CAPN9: variants seen among roughly 807,000 people sequenced by gnomAD.
The protein encoded by CAPN9 is calpain 9.
Under a neutral mutation model 92.8 loss-of-function variants are expected in CAPN9, and 81 were observed. That is an observed-to-expected ratio of 0.87 (90% CI 0.73 to 1.05). The LOEUF is 1.05. Ranked by LOEUF, CAPN9 falls within the 50% of genes least tolerant of loss-of-function variation. The pLI is 0.00. For missense variants in CAPN9, 848 were observed against 866.2 expected, an observed-to-expected ratio of 0.98 and a Z score of 0.26; for synonymous variants, 304 against 328.0, an observed-to-expected ratio of 0.93 and a Z score of 0.79.
chr1:230,799,029 C>G (rs1668522928), intron 19 of CAPN9, among the ~76,000 whole-genome samples: 1 of 152,152 alleles, frequency 6.6e-6, no homozygotes, highest in Non-Finnish European at 1.5e-5. Flanking sequence ...CCTTCTTTCC[C>G]TCCCTGTATC....
chr1:230,778,438 C>G (rs922609843), intron 8 of CAPN9, among the ~76,000 whole-genome samples: 1 of 152,218 alleles, frequency 6.6e-6, no homozygotes, highest in Non-Finnish European at 1.5e-5. Context: ...TCTAAAAGCT[C>G]TCCATCTTCT....
chr1:230,801,711 T>C lies in CAPN9; in HGVS notation c.*115T>C. On this transcript the variant is annotated 3_prime_UTR_variant, in exon 20 of 20. Coordinates refer to ENST00000271971, the MANE Select transcript of CAPN9 (RefSeq NM_006615.3). ...CCCAGGGTTCACTCCCCTCTCATCGTCCGGCCTTCTCCCTTCATCTTGATC... is the reference window on the plus strand; with the variant it reads ...CCCAGGGTTCACTCCCCTCTCATCGCCCGGCCTTCTCCCTTCATCTTGATC... 1.1e-6 allele frequency: 1 copy of C among 900,026 alleles called. No individual in the cohort carries two copies. The highest frequency in any genetic ancestry group is 1.9e-6 in the Non-Finnish European group (1 of 531,762). The allele number at this position is 900,026 out of a possible 1,614,324, so 55.8% of individuals were successfully genotyped here. A position where few individuals can be genotyped will look rare whatever the true frequency, so the allele number is the denominator to read the frequency against.
chr1:230,766,087 T>TC (rs1319630276), intron 4 of CAPN9, among the ~76,000 whole-genome samples: 2 of 151,702 alleles, frequency 1.3e-5, no homozygotes, highest in Non-Finnish European at 2.9e-5. Flanking sequence ...CCCCACTCTT[T>TC]TTTTTATTAT....
In CAPN9 at chr1:230,801,316, G is replaced by A. The variant is rs1353822559; in HGVS notation, c.2047-254G>A. 4.6e-5 allele frequency among the ~76,000 whole-genome samples: 7 copies of A among 152,236 alleles called. No individual in the cohort carries two copies. The Middle Eastern group carries it at 0.01, about 222-fold the overall frequency. On this transcript the variant is annotated intron_variant, in intron 19 of 19. Transcript: ENST00000271971. Reference sequence around the variant, plus strand: ...TAACAGGGAGAAAGCACATTTTCCCGTCTCTGTCTTACCAACTGTGCTTGA... The same window carrying A: ...TAACAGGGAGAAAGCACATTTTCCCATCTCTGTCTTACCAACTGTGCTTGA...
intron 12 of CAPN9, among the ~76,000 whole-genome samples, chr1:230,787,020 G>C (rs1004761940): frequency 3.3e-5 from 5 of 152,118 alleles, no homozygotes; most frequent in Admixed American, 2.0e-4. Context: ...TTCCATGCTG[G>C]GGCACAGCTT....
At chr1:230,765,551 C>A (rs913182805) in intron 4 of CAPN9, among the ~76,000 whole-genome samples, 2 of 151,972 alleles carry the variant, frequency 1.3e-5, no homozygotes, top group African/African-American at 2.4e-5. Flanking sequence ...CCCAACTACT[C>A]GGGAGGCTAA....
chr1:230,783,860 G>C (rs573327885), intron 11 of CAPN9, among the ~76,000 whole-genome samples: 14 of 152,340 alleles, frequency 9.2e-5, no homozygotes, highest in African/African-American at 3.4e-4. Context: ...TAACTTCTTA[G>C]AGGCTGGTTA....
intron 8 of CAPN9, among the ~76,000 whole-genome samples, chr1:230,777,792 C>T (rs1444062924): frequency 6.6e-6 from 1 of 152,030 alleles, no homozygotes; most frequent in Non-Finnish European, 1.5e-5. Flanking sequence ...GACCACACGC[C>T]CTGGTGGTCC....
chr1:230,765,212 G>GACACACACACACACACAC (rs56286310), intron 4 of CAPN9, among the ~76,000 whole-genome samples: 73 of 132,146 alleles, frequency 5.5e-4, no homozygotes, highest in Admixed American at 9.8e-4. Context: ...ACACATGCAA[G>GACACACACACACACACAC]ACACACACAC....
rs547694110 is a variant in CAPN9 at position 230,772,038 on chromosome 1, G to A, written c.814G>A (p.Glu272Lys). The A allele has an allele frequency of 1.1e-5, 17 of 1,614,032 alleles. No homozygotes were observed. The Middle Eastern group carries it at 4.9e-4, about 47-fold the overall frequency. The change falls in exon 7 of 20, where the codon GAG (glutamate) becomes AAG (lysine). Residue 272 changes from glutamate to lysine, a missense_variant. Transcript: ENST00000271971. ...GGTAAGCTTCCGAGGCCAGAGAATC[G>A]AGCTCATCCGAATCCGGAACCCTTG... is the stretch of plus-strand genomic sequence containing the variant. ...DQVSFRGQRIELIRIRNPWGQ... is the reference protein window; with the variant it reads ...DQVSFRGQRIKLIRIRNPWGQ...
chr1:230,796,808 C>G (rs915479172), intron 18 of CAPN9, among the ~76,000 whole-genome samples: 1 of 152,134 alleles, frequency 6.6e-6, no homozygotes, highest in African/African-American at 2.4e-5. Flanking sequence ...GTAATCCTTC[C>G]CAGAACGGGG....
intron 2 of CAPN9, among the ~76,000 whole-genome samples, chr1:230,756,064 A>G (rs1188648197): frequency 6.6e-6 from 1 of 152,208 alleles, no homozygotes; most frequent in Non-Finnish European, 1.5e-5. Flanking sequence ...TGAAAGACAG[A>G]GAAAGTGAGA....
chr1:230,788,622 C>T (rs1667768455), intron 13 of CAPN9, among the ~76,000 whole-genome samples: 1 of 152,144 alleles, frequency 6.6e-6, no homozygotes. Context: ...CTGCAATAAA[C>T]AGGCAAGGCA....
chr1:230,770,349 G>A (rs1382487374), intron 6 of CAPN9, among the ~76,000 whole-genome samples: 1 of 152,122 alleles, frequency 6.6e-6, no homozygotes, highest in Non-Finnish European at 1.5e-5. Flanking sequence ...TTTTTGTTCT[G>A]GTCAGGTCTT....
chr1:230,784,827 G>A (rs1442151471), intron 11 of CAPN9, among the ~76,000 whole-genome samples: 2 of 152,256 alleles, frequency 1.3e-5, no homozygotes, highest in Non-Finnish European at 2.9e-5. Context: ...GTGGAACTGT[G>A]GGAAGGCGGC....
chr1:230,762,717 G>T lies in CAPN9; in HGVS notation c.467G>T (p.Arg156Leu), dbSNP rs770863143. The T allele has an allele frequency of 1.3e-5, 21 of 1,614,132 alleles. No individual in the cohort carries two copies. The highest frequency in any genetic ancestry group is 3.3e-5 in the South Asian group (3 of 91,082). ...GACCGCCTGCCCACCTTCAGGGACC[G>T]CTTGGTTTTCCTCCACTCTGCCGAC... ...IDDRLPTFRDRLVFLHSADHN... is the reference protein window; with the variant it reads ...IDDRLPTFRDLLVFLHSADHN... The change falls in exon 4 of 20, where the codon CGC becomes CTC. Residue 156 changes from arginine (R) to leucine (L), a missense_variant. Transcript: ENST00000271971.
At chr1:230,771,107 G>C (rs1167917951) in intron 6 of CAPN9, among the ~76,000 whole-genome samples, 1 of 152,140 alleles carries the variant, frequency 6.6e-6, no homozygotes, top group African/African-American at 2.4e-5. Context: ...TGGTTTGCTT[G>C]ATTTTGCTTC....
At chr1:230,763,709 A>G (rs1264427753) in intron 4 of CAPN9, among the ~76,000 whole-genome samples, 2 of 152,248 alleles carry the variant, frequency 1.3e-5, no homozygotes, top group African/African-American at 4.8e-5. Flanking sequence ...TTCTACCTCC[A>G]AGTGGGACAT....
intron 14 of CAPN9, among the ~76,000 whole-genome samples, chr1:230,790,970 A>G (rs1667942194): frequency 6.6e-6 from 1 of 152,186 alleles, no homozygotes; most frequent in Non-Finnish European, 1.5e-5. Flanking sequence ...AAAAGGAATC[A>G]TACAATATGT....
Sources: allele counts gnomAD v4.1 joint callset (sites outside exome capture counted in the v4.1 genomes callset), GRCh38; gene constraint gnomAD v4.1.1; transcripts MANE v1.5; gene names NCBI Gene and HGNC (gene_info 2026-07-23, HGNC 2026-07-21).